The following CNTNAP4 variants were observed in gnomAD, a reference collection of about 807,000 sequenced individuals.
The protein encoded by CNTNAP4 is contactin associated protein family member 4, also known as contactin-associated protein-like 4.
A neutral mutation model predicts 148.4 loss-of-function variants in CNTNAP4; 98 were observed. That is an observed-to-expected ratio of 0.66 (90% confidence interval 0.56 to 0.78). CNTNAP4 has a LOEUF of 0.78. Ranked by LOEUF, CNTNAP4 falls within the 30% of genes least tolerant of loss-of-function variation. CNTNAP4 has a pLI of 0.00. For synonymous variants in CNTNAP4, 730 were observed against 565.1 expected (o/e 1.29, Z -4.14); for missense variants, 1,935 against 1,565.6 (o/e 1.24, Z -3.98).
At chr16:76,459,207 C>T (rs1440428692) in intron 8 of CNTNAP4, among the ~76,000 whole-genome samples, 1 of 152,284 alleles carries the variant, frequency 6.6e-6, no homozygotes, top group South Asian at 2.1e-4. Flanking sequence ...TAAGAAATTT[C>T]TCTCTAAATG....
intron 3 of CNTNAP4, among the ~76,000 whole-genome samples, chr16:76,397,197 A>G (rs2078232620): frequency 6.6e-6 from 1 of 151,932 alleles, no homozygotes; most frequent in Non-Finnish European, 1.5e-5. Flanking sequence ...CAAGAGTCCA[A>G]AGGGCAGAGA....
intron 3 of CNTNAP4, among the ~76,000 whole-genome samples, chr16:76,367,904 C>G (rs1294843898): frequency 6.6e-6 from 1 of 152,098 alleles, no homozygotes; most frequent in Non-Finnish European, 1.5e-5. Context: ...CTTATCAGTC[C>G]TAGGCTATTC....
At chr16:76,445,194 T>A (rs1422784582) in intron 4 of CNTNAP4, among the ~76,000 whole-genome samples, 1 of 152,202 alleles carries the variant, frequency 6.6e-6, no homozygotes, top group Non-Finnish European at 1.5e-5. Flanking sequence ...AAGATCTCCC[T>A]TTGCCTCCTG....
chr16:76,488,510 A>G (rs1046499508), intron 12 of CNTNAP4, among the ~76,000 whole-genome samples: 3 of 152,204 alleles, frequency 2.0e-5, no homozygotes, highest in African/African-American at 4.8e-5. Context: ...AGGAATGGGA[A>G]TGAAATTTTC....
chr16:76,488,952 G>A (rs915510973), intron 12 of CNTNAP4, among the ~76,000 whole-genome samples: 1 of 152,134 alleles, frequency 6.6e-6, no homozygotes, highest in African/African-American at 2.4e-5. Context: ...TTTTACTTTT[G>A]TGTTAGTTGA....
intron 10 of CNTNAP4, among the ~76,000 whole-genome samples, chr16:76,470,090 C>T (rs2081310934): frequency 6.6e-6 from 1 of 152,054 alleles, no homozygotes; most frequent in African/African-American, 2.4e-5. Flanking sequence ...AGAACCTGTT[C>T]TTCATAGTGT....
chr16:76,538,398 A>T, intron 19 of CNTNAP4, 58 bp downstream of exon 19: 1 of 1,248,516 alleles, frequency 8.0e-7, no homozygotes, highest in East Asian at 2.4e-5. Flanking sequence ...CTCTGTAATA[A>T]TATGGATCAT....
At chr16:76,292,507 C>G (rs546417160) in intron 1 of CNTNAP4, among the ~76,000 whole-genome samples, 15 of 152,082 alleles carry the variant, frequency 9.9e-5, no homozygotes, top group Non-Finnish European at 1.6e-4. Flanking sequence ...GTGTTCCTCT[C>G]TGGAGCTCAG....
chr16:76,553,262 G>T, intron 21 of CNTNAP4, 21 bp from the exon 22 acceptor site: 1 of 1,482,850 alleles, frequency 6.7e-7, no homozygotes, highest in Non-Finnish European at 9.3e-7. Context: ...CTAATATTTC[G>T]GTGTTTCTTT....
At chr16:76,390,072 A>G (rs934185146) in intron 3 of CNTNAP4, among the ~76,000 whole-genome samples, 2 of 152,158 alleles carry the variant, frequency 1.3e-5, no homozygotes, top group Admixed American at 6.5e-5. Flanking sequence ...CCATGTCTCA[A>G]TGTATCCATC....
chr16:76,353,410 C>T (rs2012119556), intron 2 of CNTNAP4, among the ~76,000 whole-genome samples: 1 of 152,142 alleles, frequency 6.6e-6, no homozygotes, highest in Non-Finnish European at 1.5e-5. Context: ...TGTTGTAATG[C>T]AATTTTTTAA....
chr16:76,319,091 CA>C (rs1362137337), intron 2 of CNTNAP4, among the ~76,000 whole-genome samples: 1 of 151,610 alleles, frequency 6.6e-6, no homozygotes, highest in Non-Finnish European at 1.5e-5. Flanking sequence ...GGAAGGGGAT[CA>C]AAAAAAGGCT....
At chr16:76,291,508 C>T (rs1959114691) in intron 1 of CNTNAP4, among the ~76,000 whole-genome samples, 1 of 152,212 alleles carries the variant, frequency 6.6e-6, no homozygotes, top group Admixed American at 6.5e-5. Flanking sequence ...TTATTTTATC[C>T]CCTTCCAAAG....
At chr16:76,443,555 C>T (rs1407908596) in intron 4 of CNTNAP4, among the ~76,000 whole-genome samples, 1 of 152,106 alleles carries the variant, frequency 6.6e-6, no homozygotes, top group Non-Finnish European at 1.5e-5. Flanking sequence ...TATGCCATTG[C>T]ACTCCAGCCT....
rs1010434993 is a variant in CNTNAP4 at position 76,560,647 on chromosome 16, G to A, written c.*1964G>A. ...GTCCTCTGTGGTCTGCACTGCTAGA[G>A]ACTCAACATTATGGCATGGAAATGC... On this transcript the variant is annotated 3_prime_UTR_variant, in exon 24 of 24. Coordinates refer to ENST00000611870, the MANE Select transcript of CNTNAP4 (RefSeq NM_033401.5). Among the ~76,000 whole-genome samples the A allele has an allele frequency of 6.6e-6, 1 of 152,162 alleles. No homozygotes were observed. The highest frequency in any genetic ancestry group is 2.4e-5 in the African/African-American group (1 of 41,416).
chr16:76,296,768 C>T (rs924114543), intron 1 of CNTNAP4, among the ~76,000 whole-genome samples: 8 of 152,268 alleles, frequency 5.3e-5, no homozygotes, highest in African/African-American at 1.7e-4. Flanking sequence ...AAGGATTCAG[C>T]AGCCAAAGAT....
chr16:76,448,966 TTTCA>T lies in CNTNAP4; in HGVS notation c.927+16_927+19del. 6.2e-7 allele frequency: 1 copy of T among 1,606,682 alleles called. No homozygotes were observed. The highest frequency in any genetic ancestry group is 1.1e-5 in the South Asian group (1 of 90,056). On this transcript the variant is annotated intron_variant, in intron 6 of 23. Coordinates refer to ENST00000611870, the MANE Select transcript of CNTNAP4 (RefSeq NM_033401.5). ...TTGATTATGAGGTGTGATGGTTATGTTTCAATTAATGCTGATTTTATTATGTATA... is the reference window on the plus strand; with the variant it reads ...TTGATTATGAGGTGTGATGGTTATGTATTAATGCTGATTTTATTATGTATA...
chr16:76,502,787 G>C (rs1254439406), intron 15 of CNTNAP4, among the ~76,000 whole-genome samples: 1 of 151,820 alleles, frequency 6.6e-6, no homozygotes, highest in African/African-American at 2.4e-5. Context: ...CATTGAGACA[G>C]GAGATTAACA....
intron 17 of CNTNAP4, among the ~76,000 whole-genome samples, chr16:76,532,603 A>G (rs554562149): frequency 3.3e-5 from 5 of 152,358 alleles, no homozygotes; most frequent in African/African-American, 7.2e-5. Flanking sequence ...ACTGTATACC[A>G]TGATTTAATG....
Sources: allele counts gnomAD v4.1 joint callset (sites outside exome capture counted in the v4.1 genomes callset), GRCh38; gene constraint gnomAD v4.1.1; transcripts MANE v1.5; gene names NCBI Gene and HGNC (gene_info 2026-07-23, HGNC 2026-07-21).